Variants in THRAP3 observed in about 807,000 individuals in gnomAD.
The protein encoded by THRAP3 is thyroid hormone receptor-associated protein 3.
Under a neutral mutation model 101.0 loss-of-function variants are expected in THRAP3, and 16 were observed. The ratio of observed to expected loss-of-function variants is 0.16; its 90% CI spans 0.11 to 0.24. The LOEUF (loss-of-function observed/expected upper bound fraction) is 0.24. THRAP3 is among the 10% of genes least tolerant of loss of function. THRAP3 has a pLI of 1.00. For synonymous variants in THRAP3, 407 were observed against 422.6 expected (o/e 0.96, Z 0.45); for missense variants, 989 against 1,202.7 (o/e 0.82, Z 2.63).
chr1:36,283,763 A>ACT (rs1353082978), intron 3 of THRAP3, among the ~76,000 whole-genome samples: 1 of 152,026 alleles, frequency 6.6e-6, no homozygotes, highest in Non-Finnish European at 1.5e-5. Context: ...TTAAACTTTT[A>ACT]CTCTTGATGA....
At chr1:36,282,154 C>T (rs1645739954) in intron 2 of THRAP3, among the ~76,000 whole-genome samples, 1 of 151,932 alleles carries the variant, frequency 6.6e-6, no homozygotes, top group African/African-American at 2.4e-5. Context: ...AACACCTGGA[C>T]TTAAGCAGTC....
At chr1:36,288,796 A>C in intron 4 of THRAP3, 1 of 985,444 alleles carries the variant, frequency 1.0e-6, no homozygotes, top group Non-Finnish European at 1.2e-6. Flanking sequence ...CCTAAAAATA[A>C]CTTTTGTTGT....
At chr1:36,274,077 C>G (rs1195539584) in intron 2 of THRAP3, among the ~76,000 whole-genome samples, 5 of 1,004 alleles carry the variant, frequency 5.0e-3, no homozygotes, top group Admixed American at 0.013. Context: ...GTGTGTGTGT[C>G]ACACACACAC....
chr1:36,245,784 G>A lies in THRAP3; in HGVS notation c.-134-13598G>A, dbSNP rs191181914. Among the ~76,000 whole-genome samples the A allele has an allele frequency of 9.9e-5, 15 of 152,262 alleles. No individual in the cohort carries two copies. In the East Asian group the frequency reaches 2.9e-3, roughly 29 times the overall value. On this transcript the variant is annotated intron_variant, in intron 1 of 11. Transcript: ENST00000354618. ...GTCTCTTGATCATTGCATTTTAATA[G>A]CCCTTGAACAGTTATATTTGCTTTT...
intron 1 of THRAP3, among the ~76,000 whole-genome samples, chr1:36,239,832 A>C (rs908329375): frequency 6.6e-6 from 1 of 152,116 alleles, no homozygotes; most frequent in Non-Finnish European, 1.5e-5. Flanking sequence ...CCACTAATCA[A>C]CTCATTTTAC....
chr1:36,225,313 A>G (rs1176460599), intron 1 of THRAP3: 1 of 152,174 alleles, frequency 6.6e-6, no homozygotes. Context: ...AGGACCTGGC[A>G]AGAGAGAGGC....
chr1:36,275,973 T>A (rs1030605584), intron 2 of THRAP3, among the ~76,000 whole-genome samples: 1 of 152,008 alleles, frequency 6.6e-6, no homozygotes, highest in Non-Finnish European at 1.5e-5. Flanking sequence ...GAGTTGAGAT[T>A]GCACTACTGC....
chr1:36,292,357 G>A (rs1303382288), intron 6 of THRAP3, among the ~76,000 whole-genome samples: 2 of 133,496 alleles, frequency 1.5e-5, no homozygotes, highest in South Asian at 2.5e-4. Flanking sequence ...CTGCAAATTC[G>A]GCCTCCTGGG....
rs562876630 is a variant in THRAP3, at chr1:36,236,090, T to TA, written c.-135+11597dup. Among the ~76,000 whole-genome samples, 874 of 141,954 alleles carry TA rather than the reference T, an allele frequency of 6.2e-3. 9 individuals carry two copies. The highest frequency in any genetic ancestry group is 0.037 in the South Asian group (164 of 4,480). The allele number at this position is 141,954 out of a possible 152,430, so 93.1% of individuals were successfully genotyped here. ...AGTGAAACCCCGTCTCTACTAAAAA[T>TA]AAAAAAAAAAAATTAGCTGGGCATT... On this transcript the variant is annotated intron_variant, in intron 1 of 11. Transcript: ENST00000354618.
Position 36,286,542 on chromosome 1 carries a change from T to C in THRAP3, c.312T>C (p.Tyr104=). The part of the protein sequence containing the change: ...YPWGQYNRGG[Y]GNYRSNWQNY... ...GGGGCCAATATAACCGAGGAGGCTA[T>C]GGAAACTACCGCTCAAATTGGCAGA... Residue 104 remains tyrosine, a synonymous_variant, in exon 4 of 12, where the codon TAT becomes TAC. Transcript: ENST00000354618. This position sits in a 1 kb window ranked among gnomAD's most constrained non-coding sequence, Gnocchi z 5.5. The C allele has an allele frequency of 6.2e-7, 1 of 1,614,116 alleles. No homozygotes were observed. Among genetic ancestry groups the C allele is most frequent in the Non-Finnish European group, 8.5e-7 (1 of 1,180,022 alleles).
chr1:36,259,496 G>A lies in THRAP3; in HGVS notation c.-32+12G>A, dbSNP rs184819022. The stretch of plus-strand genomic sequence containing the variant: ...ATTGTTCAAATAAGGTAAAAGCATG[G>A]TGGTAAAAGAAACTAATAACTTCAC... On this transcript the variant is annotated intron_variant, in intron 2 of 11. Coordinates refer to ENST00000354618, the MANE Select transcript of THRAP3 (RefSeq NM_005119.4). The A allele has an allele frequency of 5.0e-6, 2 of 398,530 alleles. No homozygotes were observed. Among genetic ancestry groups the A allele is most frequent in the African/African-American group, 4.1e-5 (2 of 48,736 alleles). The allele number at this position is 398,530 out of a possible 1,614,324, so 24.7% of individuals were successfully genotyped here.
In THRAP3 at chr1:36,302,398, C is replaced by T. The variant is rs141863960; in HGVS notation, c.2646+702C>T. ...AACAGGTTGTGTGTGGATGGCTATG[C>T]GTGGCCACCATCCCTTTTCTAGGGT... is the stretch of plus-strand genomic sequence containing the variant. On this transcript the variant is annotated intron_variant, in intron 11 of 11. Coordinates refer to ENST00000354618, the MANE Select transcript of THRAP3 (RefSeq NM_005119.4). Among the ~76,000 whole-genome samples, 343 of 152,276 alleles carry T rather than the reference C, an allele frequency of 2.3e-3. 3 individuals carry two copies. The highest frequency in any genetic ancestry group is 7.7e-3 in the African/African-American group (320 of 41,546).
At chr1:36,213,888 G>GGAAA in the THRAP3 span, among the ~76,000 whole-genome samples, 1 of 118,740 alleles carries the variant, frequency 8.4e-6, no homozygotes, top group Admixed American at 9.5e-5. Context: ...AAGGAAAGAA[G>GGAAA]GAAAGAAAGA....
the THRAP3 span, among the ~76,000 whole-genome samples, chr1:36,213,020 T>C: frequency 6.6e-6 from 1 of 152,198 alleles, no homozygotes; most frequent in East Asian, 1.9e-4. Flanking sequence ...CAAGAACACA[T>C]GACTGGAACA....
At chr1:36,248,603 A>G (rs1035128942) in intron 1 of THRAP3, among the ~76,000 whole-genome samples, 2 of 151,544 alleles carry the variant, frequency 1.3e-5, no homozygotes, top group Non-Finnish European at 2.9e-5. Context: ...ATTTTTTTGT[A>G]GAGACAGTCT....
At chr1:36,233,445 G>A (rs553764046) in intron 1 of THRAP3, among the ~76,000 whole-genome samples, 6 of 151,720 alleles carry the variant, frequency 4.0e-5, no homozygotes, top group Non-Finnish European at 8.8e-5. Context: ...GGGGGAGCTT[G>A]CAGTGAACGG....
At chr1:36,293,609 C>CT (rs1645906435) in intron 7 of THRAP3, among the ~76,000 whole-genome samples, 1 of 143,056 alleles carries the variant, frequency 7.0e-6, no homozygotes, top group South Asian at 2.2e-4. Flanking sequence ...ACAAAAACCT[C>CT]TAACTTCTGT....
chr1:36,269,492 G>GT (rs1368190403), intron 2 of THRAP3, among the ~76,000 whole-genome samples: 2 of 152,168 alleles, frequency 1.3e-5, no homozygotes, highest in Non-Finnish European at 2.9e-5. Context: ...TTGGGGGAGA[G>GT]TTTAAGGTTG....
At chr1:36,250,676 C>T (rs1645289577) in intron 1 of THRAP3, among the ~76,000 whole-genome samples, 1 of 151,442 alleles carries the variant, frequency 6.6e-6, no homozygotes, top group Non-Finnish European at 1.5e-5. Flanking sequence ...CTTTGGGAGG[C>T]TGAAGCGGGC....
Sources: gnomAD v4.1 joint callset for allele counts (sites outside exome capture counted in the v4.1 genomes callset) on GRCh38, gnomAD v4.1.1 for gene constraint, Gnocchi (gnomAD v3.1) non-coding constraint, MANE v1.5 for transcripts, NCBI Gene and HGNC (gene_info 2026-07-23, HGNC 2026-07-21) for gene names.